The following PLPPR3 variants were observed in gnomAD, a reference collection of about 807,000 sequenced individuals.
The protein encoded by PLPPR3 is phospholipid phosphatase related 3.
Under a neutral mutation model 27.3 loss-of-function variants are expected in PLPPR3, and 14 were observed. That is an observed-to-expected ratio of 0.51 (90% CI 0.34 to 0.80). The LOEUF is 0.80. PLPPR3 is among the 30% of genes least tolerant of loss of function. PLPPR3 has a pLI of 0.01. For synonymous variants in PLPPR3, 671 were observed against 508.0 expected, an observed-to-expected ratio of 1.32 and a Z score of -4.32; for missense variants, 1,287 against 1,056.9, an observed-to-expected ratio of 1.22 and a Z score of -3.02.
Position 812,495 on chromosome 19 carries a change from C to T in PLPPR3, c.*75G>A. On this transcript the variant is annotated 3_prime_UTR_variant, in exon 8 of 8. Coordinates refer to ENST00000520876, the MANE Select transcript of PLPPR3 (RefSeq NM_001270366.2). ...ATGACCAAGAGCCGGACCTCGGTTT[C>T]TGCCGCTTTATTGAGCATCCGCGCG... The T allele has an allele frequency of 1.0e-6, 1 of 978,878 alleles. No homozygotes were observed. Among genetic ancestry groups the T allele is most frequent in the Non-Finnish European group, 1.2e-6 (1 of 822,370 alleles). 60.6% of individuals were successfully genotyped at this position (978,878 alleles called of 1,614,324 possible). A position where few individuals can be genotyped will look rare whatever the true frequency, so the allele number is the denominator to read the frequency against.
At chr19:823,598 C>T (rs1204934189), upstream of PLPPR3, among the ~76,000 whole-genome samples, 1 of 152,156 alleles carries the variant, frequency 6.6e-6, no homozygotes, top group Non-Finnish European at 1.5e-5. Context: ...AGGATGGGAA[C>T]TCAATGGTGT....
chr19:821,362 C>G (rs1416035073), intron 2 of PLPPR3, 123 bp downstream of exon 2: 30 of 750,896 alleles, frequency 4.0e-5, no homozygotes, highest in South Asian at 1.7e-4. Flanking sequence ...ACACCCCGGT[C>G]CTGCCCCGCC....
Position 812,541 on chromosome 19 carries a change from G to GGGCCCCC in PLPPR3, c.*28_*29insGGGGGCC. ...GCGCGGCCGCCCGCGCCCTCGGCCC[G>GGGCCCCC]CCCCCCGCCCGCCCCCGGCCCCGCC... On this transcript the variant is annotated 3_prime_UTR_variant, in exon 8 of 8. Coordinates refer to ENST00000520876, the MANE Select transcript of PLPPR3 (RefSeq NM_001270366.2). The GGGCCCCC allele has an allele frequency of 1.6e-4, 98 of 617,342 alleles. No individual in the cohort carries two copies. The highest frequency in any genetic ancestry group is 1.9e-4 in the Non-Finnish European group (92 of 496,482). The allele number at this position is 617,342 out of a possible 1,614,324, so 38.2% of individuals were successfully genotyped here. A position where few individuals can be genotyped will look rare whatever the true frequency, so the allele number is the denominator to read the frequency against.
chr19:814,312 A>T, intron 7 of PLPPR3, 122 bp downstream of exon 7: 1 of 898,438 alleles, frequency 1.1e-6, no homozygotes, highest in Non-Finnish European at 1.6e-6. Context: ...AGACCCCCTG[A>T]GCCTGCCTCC....
chr19:816,665 T>C (rs1224618440), intron 2 of PLPPR3, among the ~76,000 whole-genome samples: 1 of 148,682 alleles, frequency 6.7e-6, no homozygotes, highest in Non-Finnish European at 1.5e-5. Flanking sequence ...CATCCACTCA[T>C]GCACCCAATG....
At position 812,735 on chromosome 19, in the gene PLPPR3, G is replaced by A. The variant is rs1599254876; in HGVS notation, c.1992C>T (p.Gly664=). 2.1e-5 allele frequency: 22 copies of A among 1,065,884 alleles called. No homozygotes were observed. The highest frequency in any genetic ancestry group is 2.1e-4 in the African/African-American group (12 of 58,186). The allele number at this position is 1,065,884 out of a possible 1,614,324, so 66.0% of individuals were successfully genotyped here. A position where few individuals can be genotyped will look rare whatever the true frequency, so the allele number is the denominator to read the frequency against. Residue 664 remains glycine (G), a synonymous_variant, in exon 8 of 8, where the codon GGC becomes GGT. Transcript: ENST00000520876. ...CCGCGCCCAGCGGGGGCAGCCCCTC[G>A]CCCGTGGCCAGGTTGACGGTGGCCA... The part of the protein sequence containing the change: ...GAVATVNLAT[G]EGLPPLGAAD...
intron 2 of PLPPR3, among the ~76,000 whole-genome samples, chr19:817,756 G>A (rs2035083359): frequency 1.3e-5 from 2 of 152,194 alleles, no homozygotes; most frequent in South Asian, 4.1e-4. Flanking sequence ...CATTCATTGA[G>A]TGCCTGTTGC....
At position 813,742 on chromosome 19, in the gene PLPPR3, G is replaced by C. The variant is rs1356079227; in HGVS notation, c.985C>G (p.Pro329Ala). 1.3e-6 allele frequency: 2 copies of C among 1,525,812 alleles called. No individual in the cohort carries two copies. The highest frequency in any genetic ancestry group is 8.8e-7 in the Non-Finnish European group (1 of 1,142,440). 94.5% of individuals were successfully genotyped at this position (1,525,812 alleles called of 1,614,324 possible). A position where few individuals can be genotyped will look rare whatever the true frequency, so the allele number is the denominator to read the frequency against. ...CGGGGCGCGCCCTCCAGCCGCCCTG[G>C]GGGCCCCAGCTCGTCGGTGCTCACC... ...KSVSTDELGPPGRLEGAPRPV... is the reference protein window; with the variant it reads ...KSVSTDELGPAGRLEGAPRPV... Residue 329 changes from proline (P) to alanine (A), a missense_variant, in exon 8 of 8, where the codon CCA (proline) becomes GCA (alanine). Physicochemically the swap from Pro to Ala is conservative, Grantham distance 27. Coordinates refer to ENST00000520876, the MANE Select transcript of PLPPR3 (RefSeq NM_001270366.2). The surrounding 1 kb of genome is among the most constrained non-coding windows in gnomAD (Gnocchi z 4.1).
At chr19:814,820 G>A (rs1419773573) in intron 5 of PLPPR3, 66 bp downstream of exon 5, 8 of 1,573,054 alleles carry the variant, frequency 5.1e-6, no homozygotes, top group Middle Eastern at 3.4e-4. Context: ...CTGTGTCTCT[G>A]TTTCCCCGCA....
rs1333782301 is a variant in PLPPR3, at chr19:812,627, C to T, written c.2100G>A (p.Ala700=). The change falls in exon 8 of 8, where the codon GCG becomes GCA. Residue 700 remains alanine, a synonymous_variant. Coordinates refer to ENST00000520876, the MANE Select transcript of PLPPR3 (RefSeq NM_001270366.2). ...AGGLGLAERE[A]EAEAEGYFRK... Reference sequence around the variant, plus strand: ...GGAAGTAGCCCTCGGCCTCCGCCTCCGCCTCGCGCTCCGCCAGCCCCAGGC... The same window carrying T: ...GGAAGTAGCCCTCGGCCTCCGCCTCTGCCTCGCGCTCCGCCAGCCCCAGGC... 5.4e-6 allele frequency: 6 copies of T among 1,113,426 alleles called. No homozygotes were observed. In the African/African-American group the frequency reaches 8.6e-5, roughly 16 times the overall value. 69.0% of individuals were successfully genotyped at this position (1,113,426 alleles called of 1,614,324 possible).
chr19:815,575 G>A, intron 3 of PLPPR3, 91 bp downstream of exon 3: 2 of 1,340,190 alleles, frequency 1.5e-6, no homozygotes, highest in African/African-American at 1.5e-5. Context: ...TTCACCGACA[G>A]GCCCCAGTGT....
In PLPPR3 at chr19:814,499, ACTGCGTGAT is replaced by A; in HGVS notation, c.757_765del (p.Ile253_Gln255del). On this transcript the variant is annotated inframe_deletion, in exon 7 of 8. Transcript: ENST00000520876. ...TACACGTCCACAGGGTGGCTGCGGT[ACTGCGTGAT>A]CTGCGTGAGCCCGCATACGCCCGCG... The A allele has an allele frequency of 6.2e-7, 1 of 1,610,886 alleles. No homozygotes were observed. Among genetic ancestry groups the A allele is most frequent in the Non-Finnish European group, 8.5e-7 (1 of 1,179,890 alleles).
upstream of PLPPR3, among the ~76,000 whole-genome samples, chr19:822,590 G>A (rs1346844997): frequency 6.6e-6 from 1 of 152,190 alleles, no homozygotes; most frequent in African/African-American, 2.4e-5. Flanking sequence ...GCCGCTCGGT[G>A]CGCACGGCGG....
chr19:820,771 C>G (rs2035131545), intron 2 of PLPPR3, among the ~76,000 whole-genome samples: 1 of 152,176 alleles, frequency 6.6e-6, no homozygotes, highest in African/African-American at 2.4e-5. Flanking sequence ...GATCTGCCCA[C>G]CTCGGCCTCC....
At chr19:818,635 G>A (rs1032594377) in intron 2 of PLPPR3, among the ~76,000 whole-genome samples, 2 of 151,850 alleles carry the variant, frequency 1.3e-5, no homozygotes, top group South Asian at 2.1e-4. Context: ...CCGGGTTCAC[G>A]CCATTCTCCT....
chr19:820,448 G>A (rs2035127099), intron 2 of PLPPR3, among the ~76,000 whole-genome samples: 1 of 152,130 alleles, frequency 6.6e-6, no homozygotes, highest in Admixed American at 6.6e-5. Context: ...GTCTCCCAAA[G>A]TGCTGGGATT....
intron 3 of PLPPR3, 38 bp from the exon 4 acceptor site, chr19:815,365 A>G: frequency 2.0e-6 from 3 of 1,509,094 alleles, no homozygotes; most frequent in African/African-American, 1.4e-5. Context: ...CTCGGTGCCC[A>G]CAGGGAGGGG....
chr19:815,128 C>A, intron 4 of PLPPR3, 47 bp from the exon 5 acceptor site: 1 of 1,600,052 alleles, frequency 6.2e-7, no homozygotes, highest in Non-Finnish European at 8.5e-7. Flanking sequence ...GGACCCGGGA[C>A]AGCCCCACCC....
Position 814,752 on chromosome 19 carries a change from G to A in PLPPR3, c.600-3C>T, listed in dbSNP as rs374498564. ...CGTGCTGGGACGGGAAGGTCTTCCT[G>A]TAAGAGGCGTCCAGCGTGAGCCCCG... On this transcript the variant is annotated splice_region_variant and splice_polypyrimidine_tract_variant and intron_variant, in intron 5 of 7. Transcript: ENST00000520876. 1.4e-4 allele frequency: 224 copies of A among 1,567,866 alleles called. No individual in the cohort carries two copies. In the African/African-American group the frequency reaches 2.9e-3, roughly 20 times the overall value.
Sources: gnomAD v4.1 joint callset for allele counts (sites outside exome capture counted in the v4.1 genomes callset) on GRCh38, gnomAD v4.1.1 for gene constraint, Gnocchi (gnomAD v3.1) non-coding constraint, MANE v1.5 for transcripts, NCBI Gene and HGNC (gene_info 2026-07-23, HGNC 2026-07-21) for gene names.